APP: variants seen among roughly 807,000 people sequenced by gnomAD.
APP encodes the protein amyloid-beta precursor protein.
APP carries 31 observed loss-of-function variants against 101.4 expected under a neutral mutation model. That is an observed-to-expected ratio of 0.31 (90% CI 0.23 to 0.41). The LOEUF (loss-of-function observed/expected upper bound fraction) is 0.41, where lower values mean the gene tolerates loss of function less well. APP is among the 10% of genes least tolerant of loss of function. The pLI is 1.00. For synonymous variants in APP, 366 were observed against 364.4 expected (o/e 1.00, Z -0.05); for missense variants, 839 against 1,003.7 (o/e 0.84, Z 2.22).
At chr21:26,005,384 A>G (rs1373204975) in intron 6 of APP, among the ~76,000 whole-genome samples, 3 of 152,220 alleles carry the variant, frequency 2.0e-5, no homozygotes, top group African/African-American at 4.8e-5. Flanking sequence ...ACTGCACTCC[A>G]GCCTGGGCGA....
intron 16 of APP, among the ~76,000 whole-genome samples, chr21:25,896,857 G>A (rs1454885618): frequency 1.3e-5 from 2 of 152,126 alleles, no homozygotes; most frequent in Non-Finnish European, 2.9e-5. Context: ...GGTAGGGGAG[G>A]GAATGAAAAG....
At chr21:25,909,710 C>T (rs2038974232) in intron 14 of APP, among the ~76,000 whole-genome samples, 1 of 152,160 alleles carries the variant, frequency 6.6e-6, no homozygotes, top group Non-Finnish European at 1.5e-5. Flanking sequence ...GGACATTTTT[C>T]ACTAAAAATT....
intron 13 of APP, among the ~76,000 whole-genome samples, chr21:25,912,394 AACAG>A (rs973768578): frequency 1.2e-4 from 19 of 152,224 alleles, no homozygotes; most frequent in African/African-American, 1.9e-4. Flanking sequence ...GCTGAAAGAC[AACAG>A]ACAATCTCCT....
At chr21:26,077,175 G>C (rs142779107) in intron 3 of APP, among the ~76,000 whole-genome samples, 60 of 152,164 alleles carry the variant, frequency 3.9e-4, no homozygotes, top group African/African-American at 1.3e-3. Context: ...CTCCTTGATC[G>C]ATTTCTCCAT....
At position 25,886,043 on chromosome 21, in the gene APP, A is replaced by G. The variant is rs149328772; in HGVS notation, c.2212-4272T>C. ...TGGATTAATAGATGTCCTTTTATAC[A>G]AGGGACTGAGTCAGGCCAAACGACA... On this transcript the variant is annotated intron_variant, in intron 17 of 17. Coordinates refer to ENST00000346798, the MANE Select transcript of APP (RefSeq NM_000484.4). 2.5e-3 allele frequency among the ~76,000 whole-genome samples: 375 copies of G among 152,218 alleles called. 2 individuals are homozygous for G. The highest frequency in any genetic ancestry group is 8.5e-3 in the African/African-American group (355 of 41,540).
In APP at chr21:25,948,810, C is replaced by T. The variant is rs576557025; in HGVS notation, c.1687+5780G>A. ...GAGATTTAAGGAAGATTACAAAGGACAAAGAAAACACCAATCATTTTTAAG... is the reference window on the plus strand; with the variant it reads ...GAGATTTAAGGAAGATTACAAAGGATAAAGAAAACACCAATCATTTTTAAG... On this transcript the variant is annotated intron_variant, in intron 13 of 17. Coordinates refer to ENST00000346798, the MANE Select transcript of APP (RefSeq NM_000484.4). Among the ~76,000 whole-genome samples, 3 of 152,186 alleles carry T rather than the reference C, an allele frequency of 2.0e-5. No individual in the cohort carries two copies. The South Asian group carries it at 6.2e-4, about 32-fold the overall frequency.
rs972977788 is a variant in APP, at chr21:25,881,587, C to A, written c.*83G>T. The stretch of plus-strand genomic sequence containing the variant: ...AATCATAAAACGGGTTTGTTTCTTC[C>A]CACATTATTCTATAAATGGACACCG... On this transcript the variant is annotated 3_prime_UTR_variant, in exon 18 of 18. Transcript: ENST00000346798. The A allele has an allele frequency of 1.2e-5, 18 of 1,473,674 alleles. No homozygotes were observed. The highest frequency in any genetic ancestry group is 1.5e-5 in the Non-Finnish European group (16 of 1,055,440). 91.3% of individuals were successfully genotyped at this position (1,473,674 alleles called of 1,614,324 possible). A position where few individuals can be genotyped will look rare whatever the true frequency, so the allele number is the denominator to read the frequency against.
At chr21:26,146,460 T>A (rs910582080) in intron 1 of APP, among the ~76,000 whole-genome samples, 2 of 152,278 alleles carry the variant, frequency 1.3e-5, no homozygotes, top group Non-Finnish European at 2.9e-5. Context: ...CATATCTTCA[T>A]AGGTTTATTG....
At chr21:26,024,251 G>A (rs1233771498) in intron 5 of APP, among the ~76,000 whole-genome samples, 2 of 151,800 alleles carry the variant, frequency 1.3e-5, no homozygotes, top group African/African-American at 4.8e-5. Flanking sequence ...AGGTCTATTC[G>A]AGAAGTACCA....
intron 13 of APP, among the ~76,000 whole-genome samples, chr21:25,914,760 A>G (rs1022396818): frequency 2.0e-5 from 3 of 152,008 alleles, no homozygotes; most frequent in Admixed American, 1.3e-4. Flanking sequence ...TCACCGTGTT[A>G]GCCAGGATGG....
chr21:26,083,313 T>C (rs1287971111), intron 3 of APP, among the ~76,000 whole-genome samples: 2 of 152,024 alleles, frequency 1.3e-5, no homozygotes, highest in East Asian at 3.8e-4. Context: ...TAAAAAAGAG[T>C]AAACACATTA....
intron 12 of APP, among the ~76,000 whole-genome samples, chr21:25,955,053 C>T (rs1171301967): frequency 1.4e-5 from 2 of 141,564 alleles, no homozygotes; most frequent in African/African-American, 2.6e-5. Flanking sequence ...GCTCTCTTAA[C>T]AGGACCCTCA....
Position 25,888,340 on chromosome 21 carries a change from C to T in APP, c.2211+3382G>A, listed in dbSNP as rs541736466. Among the ~76,000 whole-genome samples the T allele has an allele frequency of 5.3e-5, 8 of 152,248 alleles. No homozygotes were observed. The South Asian group carries it at 1.7e-3, about 32-fold the overall frequency. ...GTGCTCTGAAAGCCCACCGTGCTCT[C>T]TCACCTGGGAACATGCCTAGGCTGG... is the stretch of plus-strand genomic sequence containing the variant. On this transcript the variant is annotated intron_variant, in intron 17 of 17. Coordinates refer to ENST00000346798, the MANE Select transcript of APP (RefSeq NM_000484.4).
intron 16 of APP, among the ~76,000 whole-genome samples, chr21:25,895,632 A>G (rs1420804319): frequency 6.6e-6 from 1 of 152,228 alleles, no homozygotes. Flanking sequence ...CTAAGCTGAA[A>G]CTAACATACT....
At chr21:25,917,485 A>C (rs913068240) in intron 13 of APP, among the ~76,000 whole-genome samples, 1 of 152,230 alleles carries the variant, frequency 6.6e-6, no homozygotes, top group Non-Finnish European at 1.5e-5. Context: ...GAACTGCTGA[A>C]TAGGAAGCAG....
intron 3 of APP, among the ~76,000 whole-genome samples, chr21:26,070,773 A>C (rs7276845): frequency 0.063 from 9,545 of 152,254 alleles, 335 homozygotes; most frequent in South Asian, 0.096. Flanking sequence ...AGGTTGAAGA[A>C]CATGTATAAT....
intron 5 of APP, among the ~76,000 whole-genome samples, chr21:26,029,326 GTACACTGGAAA>G (rs1349925747): frequency 5.4e-5 from 8 of 148,864 alleles, no homozygotes; most frequent in Admixed American, 4.8e-4. Context: ...GGAGCTAGGG[GTACACTGGAAA>G]GCAAAGGTGG....
intron 3 of APP, among the ~76,000 whole-genome samples, chr21:26,082,446 A>C (rs149552285): frequency 6.6e-6 from 1 of 152,312 alleles, no homozygotes; most frequent in African/African-American, 2.4e-5. Flanking sequence ...ACATAAAAGC[A>C]ATATACATTC....
At chr21:25,960,864 C>A (rs2041550263) in intron 11 of APP, among the ~76,000 whole-genome samples, 1 of 152,182 alleles carries the variant, frequency 6.6e-6, no homozygotes, top group South Asian at 2.1e-4. Context: ...ATTTGGCCAC[C>A]TAAACACATC....
Sources: gnomAD v4.1 joint callset for allele counts (sites outside exome capture counted in the v4.1 genomes callset) on GRCh38, gnomAD v4.1.1 for gene constraint, MANE v1.5 for transcripts, NCBI Gene and HGNC (gene_info 2026-07-23, HGNC 2026-07-21) for gene names.